EPB41L4A: variants seen among roughly 807,000 people sequenced by gnomAD.
The protein encoded by EPB41L4A is erythrocyte membrane protein band 4.1 like 4A.
Under a neutral mutation model 108.6 loss-of-function variants are expected in EPB41L4A, and 100 were observed. The observed-to-expected ratio is 0.92, with a 90% CI of 0.78 to 1.09. The LOEUF (loss-of-function observed/expected upper bound fraction) is 1.09, where lower values mean the gene tolerates loss of function less well. Ranked by LOEUF, EPB41L4A falls within the 50% of genes least tolerant of loss-of-function variation. EPB41L4A has a pLI of 0.00. For synonymous variants in EPB41L4A, 319 were observed against 289.0 expected, an observed-to-expected ratio of 1.10 and a Z score of -1.05; for missense variants, 1,030 against 842.7, an observed-to-expected ratio of 1.22 and a Z score of -2.75.
chr5:112,272,854 CA>C (rs151266673), intron 4 of EPB41L4A, among the ~76,000 whole-genome samples: 10,481 of 148,426 alleles, frequency 0.071, 495 homozygotes, highest in East Asian at 0.17. Context: ...AGTAACATGT[CA>C]AAAAAAATAC....
At chr5:112,205,122 T>C (rs1762410305) in intron 14 of EPB41L4A, among the ~76,000 whole-genome samples, 1 of 152,222 alleles carries the variant, frequency 6.6e-6, no homozygotes, top group Non-Finnish European at 1.5e-5. Context: ...ATGGGGAAAA[T>C]TATTAATATG....
intron 1 of EPB41L4A, among the ~76,000 whole-genome samples, chr5:112,339,088 A>G (rs1561584529): frequency 6.6e-6 from 1 of 152,150 alleles, no homozygotes; most frequent in Admixed American, 6.5e-5. Context: ...GGAGGGAAAA[A>G]TCAACAGGCC....
rs577426716 is a variant in EPB41L4A at position 112,236,945 on chromosome 5, G to C, written c.966-2190C>G. Among the ~76,000 whole-genome samples, 3 of 152,284 alleles carry C rather than the reference G, an allele frequency of 2.0e-5. No individual in the cohort carries two copies. The South Asian group carries it at 6.2e-4, about 32-fold the overall frequency. On this transcript the variant is annotated intron_variant, in intron 11 of 22. Coordinates refer to ENST00000261486, the MANE Select transcript of EPB41L4A (RefSeq NM_022140.5). Reference sequence around the variant, plus strand: ...ACAAAGGAGGTTCTTAGGAGAACTTGGTCTCTCTTCCATGCTTCATAGAAT... The same window carrying C: ...ACAAAGGAGGTTCTTAGGAGAACTTCGTCTCTCTTCCATGCTTCATAGAAT...
At chr5:112,291,172 T>C (rs1055107633) in intron 2 of EPB41L4A, among the ~76,000 whole-genome samples, 14 of 152,274 alleles carry the variant, frequency 9.2e-5, no homozygotes, top group Admixed American at 9.1e-4. Flanking sequence ...CCAACAGAAA[T>C]GTACACAGAG....
intron 1 of EPB41L4A, among the ~76,000 whole-genome samples, chr5:112,407,410 T>G (rs1337743596): frequency 6.6e-6 from 1 of 152,014 alleles, no homozygotes; most frequent in Non-Finnish European, 1.5e-5. Context: ...CTGCTAGAAA[T>G]CCCCAAAGTT....
chr5:112,256,236 G>A (rs180714776), intron 9 of EPB41L4A, among the ~76,000 whole-genome samples: 4 of 152,114 alleles, frequency 2.6e-5, no homozygotes, highest in African/African-American at 9.6e-5. Context: ...TAAAAAACAC[G>A]TATTCCTAAA....
chr5:112,236,441 T>C (rs1475727005), intron 11 of EPB41L4A, among the ~76,000 whole-genome samples: 1 of 152,250 alleles, frequency 6.6e-6, no homozygotes, highest in South Asian at 2.1e-4. Flanking sequence ...AAGTTATTTG[T>C]AAAAATCCTT....
intron 1 of EPB41L4A, among the ~76,000 whole-genome samples, chr5:112,364,019 T>TAA (rs61211890): frequency 8.9e-6 from 1 of 111,814 alleles, no homozygotes; most frequent in East Asian, 2.4e-4. Context: ...TTTCATTCAT[T>TAA]TATTCATTCA....
intron 1 of EPB41L4A, among the ~76,000 whole-genome samples, chr5:112,313,065 C>A (rs1268918450): frequency 6.6e-6 from 1 of 152,172 alleles, no homozygotes; most frequent in African/African-American, 2.4e-5. Flanking sequence ...CCAGCAAATG[C>A]TTACTCTCTA....
chr5:112,390,172 T>C (rs1353221285), intron 1 of EPB41L4A, among the ~76,000 whole-genome samples: 1 of 152,186 alleles, frequency 6.6e-6, no homozygotes, highest in Non-Finnish European at 1.5e-5. Context: ...CTGAGGTACC[T>C]GGTTCATCTA....
chr5:112,264,905 T>C lies in EPB41L4A; in HGVS notation c.545A>G (p.Lys182Arg). ...GTGTAATGATTCTTACATTAGAGTTTTATGAATCCTTTCTATGGCTTCTTC... is the reference window on the plus strand; with the variant it reads ...GTGTAATGATTCTTACATTAGAGTTCTATGAATCCTTTCTATGGCTTCTTC... Reference protein sequence around the residue: ...ELEEAIERIHKTLMGQIPSEA... With the variant: ...ELEEAIERIHRTLMGQIPSEA... Residue 182 changes from lysine to arginine, a missense_variant, in exon 6 of 23, where the codon AAA becomes AGA. Transcript: ENST00000261486. 1.2e-6 allele frequency: 2 copies of C among 1,611,476 alleles called. No individual in the cohort carries two copies. Among genetic ancestry groups the C allele is most frequent in the Non-Finnish European group, 1.7e-6 (2 of 1,179,228 alleles).
At chr5:112,251,293 A>G (rs1442015582) in intron 9 of EPB41L4A, among the ~76,000 whole-genome samples, 2 of 152,180 alleles carry the variant, frequency 1.3e-5, no homozygotes, top group Non-Finnish European at 2.9e-5. Context: ...AATTTAACCC[A>G]TGGATATCCC....
chr5:112,394,731 A>T (rs1178045935), intron 1 of EPB41L4A, among the ~76,000 whole-genome samples: 2 of 152,186 alleles, frequency 1.3e-5, no homozygotes, highest in Non-Finnish European at 2.9e-5. Context: ...ACAGAATTGG[A>T]AAAAACTACT....
downstream of EPB41L4A, among the ~76,000 whole-genome samples, chr5:112,158,054 T>C (rs555466341): frequency 1.7e-3 from 266 of 152,358 alleles, no homozygotes; most frequent in Middle Eastern, 6.8e-3. Context: ...GGAAGGATTT[T>C]GAATTGATTT....
At chr5:112,151,290 G>T (rs1759455644) in intron 12 of EPB41L4A, among the ~76,000 whole-genome samples, 1 of 149,122 alleles carries the variant, frequency 6.7e-6, no homozygotes, top group East Asian at 1.9e-4. Context: ...TTAAAATACT[G>T]AACAATAGCC....
intron 13 of EPB41L4A, among the ~76,000 whole-genome samples, chr5:112,207,798 G>A (rs978459893): frequency 8.5e-5 from 13 of 152,130 alleles, no homozygotes; most frequent in Non-Finnish European, 1.5e-4. Context: ...GTGGAAAAAA[G>A]GGAACACTTT....
At chr5:112,324,886 ATAAG>A (rs34874965) in intron 1 of EPB41L4A, among the ~76,000 whole-genome samples, 7,552 of 152,208 alleles carry the variant, frequency 0.05, 267 homozygotes, top group Non-Finnish European at 0.074. Flanking sequence ...AATAAAATAA[ATAAG>A]TATTTATGAT....
At chr5:112,240,250 A>C (rs988234630) in intron 10 of EPB41L4A, among the ~76,000 whole-genome samples, 2 of 152,012 alleles carry the variant, frequency 1.3e-5, no homozygotes, top group Non-Finnish European at 2.9e-5. Flanking sequence ...CACTGTTTCC[A>C]CTGGTGACCT....
intron 2 of EPB41L4A, among the ~76,000 whole-genome samples, chr5:112,282,964 C>A (rs1312349545): frequency 1.3e-5 from 2 of 151,398 alleles, no homozygotes; most frequent in East Asian, 3.9e-4. Context: ...GTCACTAAAG[C>A]CAGCTAAAGA....
Sources: allele counts gnomAD v4.1 joint callset (sites outside exome capture counted in the v4.1 genomes callset), GRCh38; gene constraint gnomAD v4.1.1; transcripts MANE v1.5; gene names NCBI Gene and HGNC (gene_info 2026-07-23, HGNC 2026-07-21).